Variants in DAB1 observed in about 807,000 individuals in gnomAD.
DAB1 encodes disabled homolog 1.
A neutral mutation model predicts 64.6 loss-of-function variants in DAB1; 15 were observed. That is an observed-to-expected ratio of 0.23 (90% CI 0.16 to 0.36). The LOEUF is 0.36. Among genes scored for constraint, DAB1 ranks in the 10% least tolerant of loss-of-function variants. DAB1 has a pLI of 1.00. For synonymous variants in DAB1, 235 were observed against 251.9 expected, an observed-to-expected ratio of 0.93 and a Z score of 0.64; for missense variants, 596 against 706.7, an observed-to-expected ratio of 0.84 and a Z score of 1.78.
chr1:58,171,756 T>A (rs1442915868), intron 4 of DAB1, among the ~76,000 whole-genome samples: 1 of 152,238 alleles, frequency 6.6e-6, no homozygotes, highest in African/African-American at 2.4e-5. Context: ...CCAGACACTC[T>A]GGTCCTTCAG....
At chr1:57,086,677 A>C in intron 4 of DAB1, among the ~76,000 whole-genome samples, 1 of 145,030 alleles carries the variant, frequency 6.9e-6, no homozygotes. Context: ...ACACACACAC[A>C]CACACACACA....
At chr1:57,210,369 G>A (rs1208693934) in intron 2 of DAB1, among the ~76,000 whole-genome samples, 2 of 152,130 alleles carry the variant, frequency 1.3e-5, no homozygotes, top group Non-Finnish European at 2.9e-5. Context: ...AAAATAAAAT[G>A]TTCTGCTGAA....
chr1:57,918,090 T>TAAAG (rs1644754840), intron 5 of DAB1, among the ~76,000 whole-genome samples: 2 of 149,272 alleles, frequency 1.3e-5, no homozygotes, highest in Admixed American at 1.3e-4. Context: ...AATAAATAAA[T>TAAAG]AAATAAATAA....
intron 2 of DAB1, among the ~76,000 whole-genome samples, chr1:58,513,761 T>A (rs1158881140): frequency 6.6e-6 from 1 of 152,220 alleles, no homozygotes; most frequent in Non-Finnish European, 1.5e-5. Context: ...TATTAACACA[T>A]TATATTAACT....
At chr1:58,149,978 T>C (rs1000724012) in intron 5 of DAB1, among the ~76,000 whole-genome samples, 1 of 152,224 alleles carries the variant, frequency 6.6e-6, no homozygotes, top group Non-Finnish European at 1.5e-5. Context: ...GGTAAATTAC[T>C]ATTGTTACTC....
At chr1:58,515,112 T>C (rs1329107449) in intron 2 of DAB1, among the ~76,000 whole-genome samples, 1 of 152,236 alleles carries the variant, frequency 6.6e-6, no homozygotes, top group Admixed American at 6.5e-5. Context: ...TTTTCCAATA[T>C]TGCTGATGGC....
intron 3 of DAB1, among the ~76,000 whole-genome samples, chr1:58,477,429 C>T (rs1645429703): frequency 1.3e-5 from 2 of 152,172 alleles, no homozygotes; most frequent in Non-Finnish European, 2.9e-5. Context: ...CCACTTACTT[C>T]GTAAGCCCCG....
At chr1:58,491,656 A>G (rs940287460) in intron 3 of DAB1, among the ~76,000 whole-genome samples, 1 of 152,180 alleles carries the variant, frequency 6.6e-6, no homozygotes, top group Admixed American at 6.5e-5. Context: ...CAAAGATCAA[A>G]AGAGACAAAG....
rs1215308060 is a variant in DAB1, at chr1:58,171,792, C to T, written n.310-21204G>A. Among the ~76,000 whole-genome samples the T allele has an allele frequency of 3.3e-5, 5 of 152,300 alleles. No individual in the cohort carries two copies. In the South Asian group the frequency reaches 8.3e-4, roughly 25 times the overall value. ...TATGTGGATGATTTACTTTTGGCTG[C>T]CAATTTGGAAGCCTCATGCCAGCAT... On this transcript the variant is annotated intron_variant and non_coding_transcript_variant, in intron 4 of 20. Coordinates refer to the DAB1 transcript ENST00000485760.
chr1:57,324,209 C>T (rs189091296), intron 1 of DAB1, among the ~76,000 whole-genome samples: 85 of 152,262 alleles, frequency 5.6e-4, no homozygotes, highest in African/African-American at 2.0e-3. Flanking sequence ...CCAGGTGAAC[C>T]GTTAAGTGAA....
At chr1:57,123,061 A>C (rs1656807346) in intron 4 of DAB1, among the ~76,000 whole-genome samples, 2 of 152,172 alleles carry the variant, frequency 1.3e-5, no homozygotes, top group Non-Finnish European at 2.9e-5. Context: ...TTTTATTTTC[A>C]TTGAAAGCCA....
In DAB1 at chr1:57,221,840, T is replaced by A. The variant is rs544944090; in HGVS notation, c.67+69124A>T. Among the ~76,000 whole-genome samples the A allele has an allele frequency of 2.0e-5, 3 of 152,312 alleles. No individual in the cohort carries two copies. In the South Asian group the frequency reaches 6.2e-4, roughly 32 times the overall value. The stretch of plus-strand genomic sequence containing the variant: ...CTGCAACATTACCCTCTGCTTCATA[T>A]TTAAATAACAGAAATGTTCTATCCT... On this transcript the variant is annotated intron_variant, in intron 2 of 14. Coordinates refer to ENST00000371236, the MANE Select transcript of DAB1 (RefSeq NM_001365792.1).
At chr1:57,411,585 C>T (rs1684116712) in intron 1 of DAB1, among the ~76,000 whole-genome samples, 1 of 152,226 alleles carries the variant, frequency 6.6e-6, no homozygotes, top group African/African-American at 2.4e-5. Flanking sequence ...CCCTCCTTTG[C>T]AGATCCCTTC....
intron 3 of DAB1, among the ~76,000 whole-genome samples, chr1:58,390,114 G>A (rs897788930): frequency 6.6e-6 from 1 of 152,110 alleles, no homozygotes; most frequent in Non-Finnish European, 1.5e-5. Context: ...TGGGGGAAGG[G>A]AGAGCTGAGC....
At chr1:57,603,479 A>G (rs922206466) in intron 7 of DAB1, among the ~76,000 whole-genome samples, 1 of 152,150 alleles carries the variant, frequency 6.6e-6, no homozygotes, top group Non-Finnish European at 1.5e-5. Flanking sequence ...CATCACTCTG[A>G]CCATCTAACA....
chr1:57,503,474 A>C (rs557461980), intron 7 of DAB1, among the ~76,000 whole-genome samples: 342 of 152,118 alleles, frequency 2.2e-3, no homozygotes, highest in African/African-American at 8.0e-3. Flanking sequence ...CACACTTCCC[A>C]TCTGTCATCT....
chr1:57,653,131 A>T (rs1321771801), intron 6 of DAB1, among the ~76,000 whole-genome samples: 1 of 152,232 alleles, frequency 6.6e-6, no homozygotes, highest in South Asian at 2.1e-4. Flanking sequence ...GTCAGATATT[A>T]TCATTCTGTC....
intron 4 of DAB1, among the ~76,000 whole-genome samples, chr1:58,205,425 T>C (rs1338992800): frequency 6.6e-6 from 1 of 152,230 alleles, no homozygotes; most frequent in Non-Finnish European, 1.5e-5. Context: ...TGCAAGAATG[T>C]GTGATTTTCA....
intron 5 of DAB1, among the ~76,000 whole-genome samples, chr1:57,898,098 C>T (rs1644418814): frequency 6.6e-6 from 1 of 152,068 alleles, no homozygotes; most frequent in Non-Finnish European, 1.5e-5. Context: ...GCAGCTGGTC[C>T]CTACTGCCCC....
Sources: allele counts gnomAD v4.1 joint callset (sites outside exome capture counted in the v4.1 genomes callset), GRCh38; gene constraint gnomAD v4.1.1; transcripts MANE v1.5; gene names NCBI Gene and HGNC (gene_info 2026-07-23, HGNC 2026-07-21).